ZNF431: variants seen among roughly 807,000 people sequenced by gnomAD.
ZNF431 encodes zinc finger protein 431.
ZNF431 carries 34 observed loss-of-function variants against 57.0 expected under a neutral mutation model. The ratio of observed to expected loss-of-function variants is 0.60; its 90% CI spans 0.45 to 0.79. ZNF431 has a LOEUF of 0.79. ZNF431 is among the 30% of genes least tolerant of loss of function. The probability of loss-of-function intolerance (pLI) is 0.00; values close to 1 mark genes in which losing one functional copy is unlikely to be tolerated. For synonymous variants in ZNF431, 207 were observed against 220.3 expected, an observed-to-expected ratio of 0.94 and a Z score of 0.54; for missense variants, 607 against 667.1, an observed-to-expected ratio of 0.91 and a Z score of 0.99.
chr19:21,156,565 T>G (rs1453434212), intron 2 of ZNF431, among the ~76,000 whole-genome samples: 17 of 152,166 alleles, frequency 1.1e-4, no homozygotes, highest in Non-Finnish European at 2.1e-4. Context: ...TGTCGTTCCC[T>G]TCTTTGTGTC....
chr19:21,148,138 G>T lies in ZNF431; in HGVS notation c.96+4495G>T, dbSNP rs192758551. ...AGCCTCTTGAGTAGCTGGATTACAG[G>T]TGCACACCACCATACCTGGCTAATT... is the stretch of plus-strand genomic sequence containing the variant. On this transcript the variant is annotated intron_variant, in intron 2 of 4. Coordinates refer to ENST00000311048, the MANE Select transcript of ZNF431 (RefSeq NM_133473.4). Among the ~76,000 whole-genome samples the T allele has an allele frequency of 1.5e-3, 226 of 152,018 alleles. 1 individual carries two copies. The highest frequency in any genetic ancestry group is 2.4e-3 in the Non-Finnish European group (162 of 67,984).
rs1402988844 is a variant in ZNF431 at position 21,193,081 on chromosome 19, T to TA, written c.*9053dup. The TA allele has an allele frequency of 1.3e-5, 2 of 152,100 alleles. No individual in the cohort carries two copies. Among genetic ancestry groups the TA allele is most frequent in the African/African-American group, 2.4e-5 (1 of 41,414 alleles). 9.4% of individuals were successfully genotyped at this position (152,100 alleles called of 1,614,324 possible). A position where few individuals can be genotyped will look rare whatever the true frequency, so the allele number is the denominator to read the frequency against. ...ATATAATGAAATTGAATTAATAATT[T>TA]AAAAAACCTACCAACTATAAGGAGC... On this transcript the variant is annotated 3_prime_UTR_variant, in exon 5 of 5. Coordinates refer to ENST00000311048, the MANE Select transcript of ZNF431 (RefSeq NM_133473.4).
intron 2 of ZNF431, among the ~76,000 whole-genome samples, chr19:21,144,176 A>T (rs980122819): frequency 1.3e-5 from 2 of 151,446 alleles, no homozygotes; most frequent in African/African-American, 4.8e-5. Flanking sequence ...TGTAAATTGC[A>T]TTATATTAGT....
At chr19:21,175,756 T>G (rs1342432310) in intron 4 of ZNF431, among the ~76,000 whole-genome samples, 1 of 152,224 alleles carries the variant, frequency 6.6e-6, no homozygotes, top group Non-Finnish European at 1.5e-5. Flanking sequence ...TACATAATCT[T>G]GTTCCTTTTT....
rs1187702349 is a variant in ZNF431 at position 21,190,100 on chromosome 19, C to G, written c.*6066C>G. 1.6e-5 allele frequency: 6 copies of G among 375,208 alleles called. No individual in the cohort carries two copies. The highest frequency in any genetic ancestry group is 7.6e-5 in the East Asian group (2 of 26,328). 23.2% of individuals were successfully genotyped at this position (375,208 alleles called of 1,614,324 possible). Reference sequence around the variant, plus strand: ...ATGAGAATCCCTTGAACCACAGATGCAGAGGTTGCAGTGAACTGAGATCAT... The same window carrying G: ...ATGAGAATCCCTTGAACCACAGATGGAGAGGTTGCAGTGAACTGAGATCAT... On this transcript the variant is annotated 3_prime_UTR_variant, in exon 5 of 5. Coordinates refer to ENST00000311048, the MANE Select transcript of ZNF431 (RefSeq NM_133473.4).
intron 2 of ZNF431, among the ~76,000 whole-genome samples, chr19:21,154,728 G>A (rs1400290433): frequency 6.6e-6 from 1 of 152,086 alleles, no homozygotes; most frequent in African/African-American, 2.4e-5. Flanking sequence ...GGTGTGAGAT[G>A]GTATCTCATT....
intron 4 of ZNF431, 61 bp downstream of exon 4, chr19:21,167,727 A>T (rs1326179663): frequency 6.6e-6 from 8 of 1,205,016 alleles, no homozygotes; most frequent in African/African-American, 1.6e-5. Context: ...TAAAAAAAAA[A>T]AATGTGCCAG....
Position 21,190,569 on chromosome 19 carries a change from T to G in ZNF431, c.*6535T>G, listed in dbSNP as rs531284407. On this transcript the variant is annotated 3_prime_UTR_variant, in exon 5 of 5. Coordinates refer to ENST00000311048, the MANE Select transcript of ZNF431 (RefSeq NM_133473.4). The stretch of plus-strand genomic sequence containing the variant: ...GGGATTTTTTTTTTGGCTTGTCTTT[T>G]TGTGATAATAGTCAACATTGAGCAT... 1.5e-3 allele frequency: 230 copies of G among 152,304 alleles called. 2 individuals are homozygous for G. The highest frequency in any genetic ancestry group is 5.3e-3 in the African/African-American group (222 of 41,582). 9.4% of individuals were successfully genotyped at this position (152,304 alleles called of 1,614,324 possible). A position where few individuals can be genotyped will look rare whatever the true frequency, so the allele number is the denominator to read the frequency against.
At chr19:21,153,876 C>T (rs1970345840) in intron 2 of ZNF431, among the ~76,000 whole-genome samples, 1 of 152,128 alleles carries the variant, frequency 6.6e-6, no homozygotes, top group Admixed American at 6.6e-5. Flanking sequence ...ACCACCATGC[C>T]CGTCTAATTT....
chr19:21,174,440 G>A (rs537326462), intron 4 of ZNF431, among the ~76,000 whole-genome samples: 3 of 152,138 alleles, frequency 2.0e-5, no homozygotes, highest in African/African-American at 7.2e-5. Context: ...CATATAAATA[G>A]ATATGATAGT....
intron 2 of ZNF431, among the ~76,000 whole-genome samples, chr19:21,156,278 AAATC>A (rs1467860990): frequency 1.4e-4 from 21 of 152,200 alleles, no homozygotes; most frequent in Admixed American, 1.4e-3. Context: ...ACACAGAAAT[AAATC>A]AGAGTCCAGC....
At chr19:21,157,614 C>T (rs1970453373) in intron 2 of ZNF431, among the ~76,000 whole-genome samples, 1 of 151,948 alleles carries the variant, frequency 6.6e-6, no homozygotes, top group Non-Finnish European at 1.5e-5. Flanking sequence ...TCACTGCAAC[C>T]TCTGCCTCCT....
At chr19:21,153,812 G>A (rs1194303710) in intron 2 of ZNF431, among the ~76,000 whole-genome samples, 1 of 152,142 alleles carries the variant, frequency 6.6e-6, no homozygotes, top group South Asian at 2.1e-4. Context: ...TGCCTTCCGA[G>A]TTCAAGCGAT....
rs146009404 is a variant in ZNF431 at position 21,180,704 on chromosome 19, T to C, written c.320-1919T>C. ...TGGCTCACACCTATATTCCCAGCAC[T>C]TTGGGAGGCCGAGGCAGGCAGATCA... On this transcript the variant is annotated intron_variant, in intron 4 of 4. Transcript: ENST00000311048. Among the ~76,000 whole-genome samples, 250 of 150,758 alleles carry C rather than the reference T, an allele frequency of 1.7e-3. 2 individuals are homozygous for C. The East Asian group carries it at 0.035, about 21-fold the overall frequency.
At position 21,184,652 on chromosome 19, in the gene ZNF431, CTT is replaced by C. The variant is rs949823721; in HGVS notation, c.*619_*620del. The C allele has an allele frequency of 5.9e-5, 9 of 152,886 alleles. No individual in the cohort carries two copies. The highest frequency in any genetic ancestry group is 1.9e-4 in the African/African-American group (8 of 41,542). The allele number at this position is 152,886 out of a possible 1,614,324, so 9.5% of individuals were successfully genotyped here. On this transcript the variant is annotated 3_prime_UTR_variant, in exon 5 of 5. Transcript: ENST00000311048. ...TACATGTGTGAACAATATGGCAAAA[CTT>C]AATGCTCACACTTTATTGCTAGGAA...
chr19:21,186,570 CT>C lies in ZNF431; in HGVS notation c.*2541del, dbSNP rs1159298863. On this transcript the variant is annotated 3_prime_UTR_variant, in exon 5 of 5. Transcript: ENST00000311048. ...AAAAAATGCTGAAAGCAAATGTATACTTTTTGGTTTGTATTGAATTTATTAC... is the reference window on the plus strand; with the variant it reads ...AAAAAATGCTGAAAGCAAATGTATACTTTTGGTTTGTATTGAATTTATTAC... 2.6e-5 allele frequency: 4 copies of C among 152,238 alleles called. No homozygotes were observed. The highest frequency in any genetic ancestry group is 9.6e-5 in the African/African-American group (4 of 41,568). 9.4% of individuals were successfully genotyped at this position (152,238 alleles called of 1,614,324 possible). A position where few individuals can be genotyped will look rare whatever the true frequency, so the allele number is the denominator to read the frequency against.
chr19:21,142,052 A>C lies in ZNF431; in HGVS notation c.-132A>C, dbSNP rs1568291319. On this transcript the variant is annotated 5_prime_UTR_variant, in exon 1 of 5. Transcript: ENST00000311048. ...TGGCGGGGCCTTTGTCTCTCGCCGC[A>C]GCCTGAGCTCCAGGTCTCCCCTTCG... is the stretch of plus-strand genomic sequence containing the variant. The C allele has an allele frequency of 3.3e-6, 4 of 1,217,218 alleles. No homozygotes were observed. Among genetic ancestry groups the C allele is most frequent in the Non-Finnish European group, 4.7e-6 (4 of 844,040 alleles). 75.4% of individuals were successfully genotyped at this position (1,217,218 alleles called of 1,614,324 possible). A position where few individuals can be genotyped will look rare whatever the true frequency, so the allele number is the denominator to read the frequency against.
intron 2 of ZNF431, among the ~76,000 whole-genome samples, chr19:21,152,154 A>G (rs1970291885): frequency 1.3e-5 from 2 of 152,348 alleles, no homozygotes; most frequent in African/African-American, 4.8e-5. Context: ...GGGCCCTGTC[A>G]TTGTTAATTC....
intron 4 of ZNF431, among the ~76,000 whole-genome samples, chr19:21,181,548 A>G (rs1248371721): frequency 6.6e-6 from 1 of 151,878 alleles, no homozygotes; most frequent in East Asian, 1.9e-4. Flanking sequence ...GTGCTTATAT[A>G]TGTGTTTGTT....
Sources: gnomAD v4.1 joint callset for allele counts (sites outside exome capture counted in the v4.1 genomes callset) on GRCh38, gnomAD v4.1.1 for gene constraint, MANE v1.5 for transcripts, NCBI Gene and HGNC (gene_info 2026-07-23, HGNC 2026-07-21) for gene names.